FAM186B: variants seen among roughly 807,000 people sequenced by gnomAD.
FAM186B encodes family with sequence similarity 186 member B, also known as protein FAM186B.
A neutral mutation model predicts 83.4 loss-of-function variants in FAM186B; 68 were observed. That is an observed-to-expected ratio of 0.81 (90% CI 0.67 to 1.00). The LOEUF is 1.00. FAM186B is among the 50% of genes least tolerant of loss of function. The pLI, the probability that FAM186B is intolerant of heterozygous loss-of-function variation, is 0.00. For missense variants in FAM186B, 983 were observed against 1,099.2 expected, an observed-to-expected ratio of 0.89 and a Z score of 1.49; for synonymous variants, 389 against 422.0, an observed-to-expected ratio of 0.92 and a Z score of 0.96.
chr12:49,605,499 CA>C lies in FAM186B; in HGVS notation c.-23del, dbSNP rs1939999038. ...CCATTTTGGATCACTCTGTCAGTCA[CA>C]AAACATCCTGTGTTTCTGGTCCACA... On this transcript the variant is annotated 5_prime_UTR_variant, in exon 1 of 7. It removes the in-frame stop codon of an upstream open reading frame in the 5' UTR. Coordinates refer to ENST00000257894, the MANE Select transcript of FAM186B (RefSeq NM_032130.3). 6.2e-7 allele frequency: 1 copy of C among 1,608,434 alleles called. No individual in the cohort carries two copies. The highest frequency in any genetic ancestry group is 8.5e-7 in the Non-Finnish European group (1 of 1,177,210).
At chr12:49,595,158 G>A in intron 5 of FAM186B, 1 of 437,118 alleles carries the variant, frequency 2.3e-6, no homozygotes, top group South Asian at 2.5e-5. Flanking sequence ...TTGGCTAAAG[G>A]AGCAGAGGAA....
In FAM186B at chr12:49,599,983, C is replaced by G. The variant is rs12299908; in HGVS notation, c.1657G>C (p.Glu553Gln). The G allele has an allele frequency of 0.031, 50,392 of 1,613,516 alleles. 3,455 individuals are homozygous for G. Among genetic ancestry groups the G allele is most frequent in the African/African-American group, 0.28 (21,244 of 74,916 alleles). Reference protein sequence around the residue: ...SPRREPEQLGEDVERRIFTPT... With the variant: ...SPRREPEQLGQDVERRIFTPT... ...GTGAAGATCCTCCTCTCCACATCCT[C>G]CCCTAGCTGCTCTGGCTCTCTCCGT... Residue 553 changes from glutamate (E) to glutamine (Q), a missense_variant, in exon 4 of 7, where the codon GAG becomes CAG. Physicochemically the swap from Glu to Gln is conservative, Grantham distance 29. Transcript: ENST00000257894.
At chr12:49,620,421 G>A in the FAM186B span, among the ~76,000 whole-genome samples, 1 of 151,962 alleles carries the variant, frequency 6.6e-6, no homozygotes, top group Non-Finnish European at 1.5e-5. Context: ...TGTAATCTCA[G>A]CACTTTGAGA....
At chr12:49,583,207 G>A (rs1290807814), downstream of FAM186B, 1 of 376,868 alleles carries the variant, frequency 2.7e-6, no homozygotes, top group African/African-American at 2.1e-5. Flanking sequence ...AATATTGTCA[G>A]TTTCATTCAC....
rs1939475671 is a variant in FAM186B at position 49,587,618 on chromosome 12, G to A, written c.2669C>T (p.Thr890Ile). 1 of 1,613,452 alleles carries A rather than the reference G, an allele frequency of 6.2e-7. No individual in the cohort carries two copies. The highest frequency in any genetic ancestry group is 8.5e-7 in the Non-Finnish European group (1 of 1,180,010). The change falls in exon 7 of 7, where the codon ACA (threonine) becomes ATA (isoleucine). Residue 890 changes from threonine to isoleucine, a missense_variant. Physicochemically the swap from Thr to Ile is moderately conservative, Grantham distance 89. Transcript: ENST00000257894. The stretch of plus-strand genomic sequence containing the variant: ...GTGGCAGGAGGACTACACGTCCAGT[G>A]TCAACAGCCGGGGAATATCTGGGTG... ...RGHPDIPRLL[T>I]LDV is the part of the protein sequence containing the mutation.
Position 49,600,873 on chromosome 12 carries a change from C to T in FAM186B, c.767G>A (p.Ser256Asn), listed in dbSNP as rs1470567911. ...ALILQHKENR[S>N]LETKYRHLQM... The stretch of plus-strand genomic sequence containing the variant: ...CAGGTGCCTGTATTTGGTCTCCAGG[C>T]TCCTGTTCTCCTTGTGTTGGAGGAT... The change falls in exon 4 of 7, where the codon AGC becomes AAC. Residue 256 changes from serine to asparagine, a missense_variant. Ser to Asn is a conservative substitution (Grantham distance 46). Coordinates refer to ENST00000257894, the MANE Select transcript of FAM186B (RefSeq NM_032130.3). This position sits in a 1 kb window ranked among gnomAD's most constrained non-coding sequence, Gnocchi z 4.3. 4 of 1,614,134 alleles carry T rather than the reference C, an allele frequency of 2.5e-6. No homozygotes were observed. The highest frequency in any genetic ancestry group is 2.2e-5 in the East Asian group (1 of 44,892).
chr12:49,605,920 G>C (rs1164210029), upstream of FAM186B, among the ~76,000 whole-genome samples: 1 of 151,642 alleles, frequency 6.6e-6, no homozygotes, highest in Non-Finnish European at 1.5e-5. Context: ...CACCACGCCT[G>C]GCTAATTTAT....
chr12:49,598,731 G>T, intron 5 of FAM186B, 24 bp downstream of exon 5: 2 of 1,538,996 alleles, frequency 1.3e-6, no homozygotes, highest in Non-Finnish European at 1.7e-6. Flanking sequence ...CGGAGTGGCG[G>T]GGGGGTCAGG....
At chr12:49,582,895 T>C, downstream of FAM186B, 1 of 394,604 alleles carries the variant, frequency 2.5e-6, no homozygotes, top group South Asian at 1.8e-5. Flanking sequence ...TACACACACA[T>C]ATATATTTGT....
At chr12:49,590,486 C>T (rs1939558698) in intron 5 of FAM186B, among the ~76,000 whole-genome samples, 2 of 152,058 alleles carry the variant, frequency 1.3e-5, no homozygotes, top group African/African-American at 2.4e-5. Context: ...ATGGCATAAC[C>T]AGATCACATA....
Position 49,605,532 on chromosome 12 carries a change from G to T in FAM186B, c.-55C>A. 6.4e-7 allele frequency: 1 copy of T among 1,567,204 alleles called. No homozygotes were observed. Among genetic ancestry groups the T allele is most frequent in the South Asian group, 1.2e-5 (1 of 84,280 alleles). On this transcript the variant is annotated 5_prime_UTR_variant, in exon 1 of 7. Transcript: ENST00000257894. ...CCTGTGTTTCTGGTCCACAGGCCTG[G>T]ACACACAATGTTGCCTGCTTTGGAG... is the stretch of plus-strand genomic sequence containing the variant.
Position 49,599,724 on chromosome 12 carries a change from C to T in FAM186B, c.1916G>A (p.Gly639Glu). 6.2e-7 allele frequency: 1 copy of T among 1,613,844 alleles called. No homozygotes were observed. The highest frequency in any genetic ancestry group is 1.1e-5 in the South Asian group (1 of 91,038). ...CCAGGTCAGCCTTCGGATGGATGTC[C>T]CAGTGACAGGAAAGGAGGCAGATTT... is the stretch of plus-strand genomic sequence containing the variant. ...PKKSASFPVT[G>E]TSIRRLTWPS... Residue 639 changes from glycine to glutamate, a missense_variant, in exon 4 of 7, where the codon GGG becomes GAG. Transcript: ENST00000257894.
chr12:49,602,798 G>A (rs1939922439), intron 3 of FAM186B, among the ~76,000 whole-genome samples: 1 of 152,212 alleles, frequency 6.6e-6, no homozygotes, highest in South Asian at 2.1e-4. Flanking sequence ...CTCTGCAGCA[G>A]CCTCTAGCTG....
chr12:49,617,299 C>T, the FAM186B span, among the ~76,000 whole-genome samples: 1 of 152,200 alleles, frequency 6.6e-6, no homozygotes. Flanking sequence ...AATCCCAGCA[C>T]TTTCGGAGGC....
At chr12:49,612,575 G>A in the FAM186B span, among the ~76,000 whole-genome samples, 10 of 151,418 alleles carry the variant, frequency 6.6e-5, no homozygotes, top group Admixed American at 6.6e-4. Context: ...TAGTGTTAGT[G>A]TATTTTATGT....
At chr12:49,589,250 C>A (rs1171534583) in intron 5 of FAM186B, among the ~76,000 whole-genome samples, 1 of 152,218 alleles carries the variant, frequency 6.6e-6, no homozygotes, top group East Asian at 1.9e-4. Context: ...GACTCGGGGG[C>A]AGGTGGTACC....
chr12:49,610,203 C>T (rs1011600416), upstream of FAM186B, among the ~76,000 whole-genome samples: 19 of 151,300 alleles, frequency 1.3e-4, no homozygotes, highest in African/African-American at 4.4e-4. Context: ...TCTGTCCCCC[C>T]ACACACAAAT....
chr12:49,591,639 G>A (rs577387962), intron 5 of FAM186B, among the ~76,000 whole-genome samples: 3 of 152,278 alleles, frequency 2.0e-5, no homozygotes, highest in Admixed American at 1.3e-4. Context: ...TGTTAAGTGT[G>A]GGGGTAAATA....
chr12:49,585,684 A>G (rs961337978), downstream of FAM186B, among the ~76,000 whole-genome samples: 2 of 152,158 alleles, frequency 1.3e-5, no homozygotes, highest in African/African-American at 4.8e-5. Context: ...CTAGTTATGA[A>G]CCCAGATGGG....
Sources: allele counts gnomAD v4.1 joint callset (sites outside exome capture counted in the v4.1 genomes callset), GRCh38; gene constraint gnomAD v4.1.1; non-coding constraint Gnocchi (gnomAD v3.1); transcripts MANE v1.5; gene names NCBI Gene and HGNC (gene_info 2026-07-23, HGNC 2026-07-21).